MTMR12: variants seen among roughly 807,000 people sequenced by gnomAD.
MTMR12 encodes the protein myotubularin-related protein 12.
In MTMR12, 33 loss-of-function variants were observed where a neutral mutation model predicts 96.7. The ratio of observed to expected loss-of-function variants is 0.34; its 90% CI spans 0.26 to 0.46. The LOEUF (loss-of-function observed/expected upper bound fraction) is 0.46. Among genes scored for constraint, MTMR12 ranks in the 20% least tolerant of loss-of-function variants. MTMR12 has a pLI of 1.00. For missense variants in MTMR12, 721 were observed against 896.1 expected (o/e 0.80, Z 2.49); for synonymous variants, 298 against 327.2 (o/e 0.91, Z 0.96).
chr5:32,253,497 G>A lies in MTMR12; in HGVS notation c.789+2196C>T, dbSNP rs543308013. On this transcript the variant is annotated intron_variant, in intron 8 of 15. Coordinates refer to ENST00000382142, the MANE Select transcript of MTMR12 (RefSeq NM_001040446.3). ...AGAGATTGAGGGCTCTATGTTTCCC[G>A]GGTAGATGTATAAATTCCATCTTGT... 7.2e-5 allele frequency among the ~76,000 whole-genome samples: 11 copies of A among 152,290 alleles called. No individual in the cohort carries two copies. The East Asian group carries it at 7.7e-4, about 11-fold the overall frequency.
chr5:32,270,619 G>A (rs1749793152), intron 5 of MTMR12, among the ~76,000 whole-genome samples, 198 bp downstream of exon 5: 1 of 152,214 alleles, frequency 6.6e-6, no homozygotes, highest in African/African-American at 2.4e-5. Flanking sequence ...ATTAAAGGTA[G>A]CATGTGCCAA....
At chr5:32,239,263 T>C in intron 12 of MTMR12, 90 bp from the exon 13 acceptor site, 2 of 1,314,842 alleles carry the variant, frequency 1.5e-6, no homozygotes, top group Non-Finnish European at 2.0e-6. Context: ...CAGTTAAAAG[T>C]AGGATTCCCA....
At chr5:32,269,348 T>C (rs750973546) in intron 5 of MTMR12, among the ~76,000 whole-genome samples, 1 of 151,482 alleles carries the variant, frequency 6.6e-6, no homozygotes, top group Non-Finnish European at 1.5e-5. Flanking sequence ...TTATTATTGT[T>C]ATTGAGACAG....
At chr5:32,260,140 A>G (rs1390558204) in intron 7 of MTMR12, among the ~76,000 whole-genome samples, 5 of 151,148 alleles carry the variant, frequency 3.3e-5, no homozygotes, top group Admixed American at 6.6e-5. Context: ...TCCAGACAGG[A>G]GCCTGTGGGT....
intron 1 of MTMR12, among the ~76,000 whole-genome samples, chr5:32,295,926 G>A (rs1750902875): frequency 6.6e-6 from 1 of 152,112 alleles, no homozygotes; most frequent in African/African-American, 2.4e-5. Context: ...GGCCAAGGCG[G>A]GCAGATCACC....
chr5:32,291,003 C>A (rs1750719916), intron 1 of MTMR12, among the ~76,000 whole-genome samples: 2 of 152,138 alleles, frequency 1.3e-5, no homozygotes, highest in African/African-American at 4.8e-5. Context: ...AACATTCCAT[C>A]ATCAAATGGA....
chr5:32,305,111 C>T (rs775042867), intron 1 of MTMR12, among the ~76,000 whole-genome samples: 2 of 151,586 alleles, frequency 1.3e-5, no homozygotes, highest in African/African-American at 2.4e-5. Context: ...TTTTTTGAGA[C>T]GGGGTCTTGC....
In MTMR12 at chr5:32,312,695, C is replaced by G. The variant is rs1751649692; in HGVS notation, c.81+63G>C. On this transcript the variant is annotated intron_variant, in intron 1 of 15. Transcript: ENST00000382142. The surrounding 1 kb of genome is among the most constrained non-coding windows in gnomAD (Gnocchi z 5.0). ...GGCGCTCCCCGCTGCAAGGAAGGGGCTCCCGGCGCCCCTCGCCCCGGCCGC... is the reference window on the plus strand; with the variant it reads ...GGCGCTCCCCGCTGCAAGGAAGGGGGTCCCGGCGCCCCTCGCCCCGGCCGC... 7.6e-7 allele frequency: 1 copy of G among 1,313,996 alleles called. No individual in the cohort carries two copies. Among genetic ancestry groups the G allele is most frequent in the Non-Finnish European group, 9.8e-7 (1 of 1,022,108 alleles). The allele number at this position is 1,313,996 out of a possible 1,614,324, so 81.4% of individuals were successfully genotyped here. A position where few individuals can be genotyped will look rare whatever the true frequency, so the allele number is the denominator to read the frequency against.
chr5:32,263,500 C>T (rs1749458175), intron 6 of MTMR12, among the ~76,000 whole-genome samples: 1 of 150,132 alleles, frequency 6.7e-6, no homozygotes, highest in Admixed American at 6.7e-5. Flanking sequence ...GCCAGTGGTG[C>T]CATCTTGGCT....
intron 6 of MTMR12, among the ~76,000 whole-genome samples, chr5:32,266,469 C>T (rs1749596744): frequency 6.6e-6 from 1 of 152,184 alleles, no homozygotes; most frequent in South Asian, 2.1e-4. Flanking sequence ...GGGCAGATCA[C>T]TTCAGGTCAG....
chr5:32,252,615 G>T (rs1748981340), intron 8 of MTMR12, among the ~76,000 whole-genome samples: 1 of 152,148 alleles, frequency 6.6e-6, no homozygotes, highest in South Asian at 2.1e-4. Context: ...TGAAGAGCTT[G>T]TGTCTACATA....
At chr5:32,247,664 C>T (rs1253411903) in intron 10 of MTMR12, 1 of 848,980 alleles carries the variant, frequency 1.2e-6, no homozygotes, top group Non-Finnish European at 1.4e-6. Context: ...TTATAAATTA[C>T]TGCAAGTCAA....
chr5:32,276,061 T>C (rs1750039653), intron 2 of MTMR12, among the ~76,000 whole-genome samples: 2 of 152,232 alleles, frequency 1.3e-5, no homozygotes, highest in Non-Finnish European at 2.9e-5. Context: ...GATCACAGAA[T>C]ATCCCATATA....
intron 10 of MTMR12, among the ~76,000 whole-genome samples, chr5:32,244,008 A>G (rs1050144665): frequency 6.6e-6 from 1 of 152,222 alleles, no homozygotes; most frequent in Non-Finnish European, 1.5e-5. Flanking sequence ...CTTAACTTTC[A>G]TTAGAATCTC....
chr5:32,300,109 G>A (rs908574408), intron 1 of MTMR12, among the ~76,000 whole-genome samples: 2 of 152,344 alleles, frequency 1.3e-5, no homozygotes, highest in South Asian at 4.1e-4. Flanking sequence ...GCTCCTGAGT[G>A]CACAGACTGT....
intron 13 of MTMR12, 61 bp from the exon 14 acceptor site, chr5:32,235,190 CA>C: frequency 6.6e-7 from 1 of 1,506,234 alleles, no homozygotes. Context: ...ATCCTGAGTT[CA>C]GGGGGCAGCC....
At chr5:32,252,898 G>C (rs1413462439) in intron 8 of MTMR12, among the ~76,000 whole-genome samples, 3 of 152,192 alleles carry the variant, frequency 2.0e-5, no homozygotes, top group South Asian at 2.1e-4. Context: ...ATAGGAATGA[G>C]AGAAAGAAGA....
Position 32,228,536 on chromosome 5 carries a change from T to TATATATATATCAC in MTMR12, c.*1241_*1242insGTGATATATATAT, listed in dbSNP as rs1561726456. The TATATATATATCAC allele has an allele frequency of 7.1e-6, 1 of 140,396 alleles. No homozygotes were observed. Among genetic ancestry groups the TATATATATATCAC allele is most frequent in the African/African-American group, 2.7e-5 (1 of 36,446 alleles). The allele number at this position is 140,396 out of a possible 1,614,324, so 8.7% of individuals were successfully genotyped here. On this transcript the variant is annotated 3_prime_UTR_variant, in exon 16 of 16. Transcript: ENST00000382142. ...AAAAAAATATATATCATATATATGA[T>TATATATATATCAC]ATATATATCATATATATGTGATATA...
intron 1 of MTMR12, among the ~76,000 whole-genome samples, chr5:32,290,469 CCTT>C (rs1197091898): frequency 6.6e-6 from 1 of 152,182 alleles, no homozygotes; most frequent in Non-Finnish European, 1.5e-5. Context: ...TTGAGATACT[CCTT>C]CTAAGATGAA....
Sources: gnomAD v4.1 joint callset for allele counts (sites outside exome capture counted in the v4.1 genomes callset) on GRCh38, gnomAD v4.1.1 for gene constraint, Gnocchi (gnomAD v3.1) non-coding constraint, MANE v1.5 for transcripts, NCBI Gene and HGNC (gene_info 2026-07-23, HGNC 2026-07-21) for gene names.